The following ATG10 variants were observed in gnomAD, a reference collection of about 807,000 sequenced individuals.
ATG10 encodes the protein ubiquitin-like-conjugating enzyme ATG10.
In ATG10, 30 loss-of-function variants were observed where a neutral mutation model predicts 32.1. The ratio of observed to expected loss-of-function variants is 0.94; its 90% confidence interval spans 0.70 to 1.27. ATG10 has a LOEUF of 1.27. Ranked by LOEUF, ATG10 falls within the 50% of genes most tolerant of loss-of-function variation. The pLI, the probability that ATG10 is intolerant of heterozygous loss-of-function variation, is 0.00. For synonymous variants in ATG10, 87 were observed against 91.5 expected, an observed-to-expected ratio of 0.95 and a Z score of 0.28; for missense variants, 233 against 262.3, an observed-to-expected ratio of 0.89 and a Z score of 0.77.
intron 5 of ATG10, 125 bp downstream of exon 5, chr5:82,178,712 A>C: frequency 1.7e-6 from 1 of 588,512 alleles, no homozygotes; most frequent in Non-Finnish European, 2.9e-6. Context: ...TACATATTTC[A>C]CCTCAAAGAC....
intron 3 of ATG10, among the ~76,000 whole-genome samples, chr5:82,109,810 AT>A (rs1171529276): frequency 1.3e-5 from 2 of 150,334 alleles, no homozygotes; most frequent in Non-Finnish European, 3.0e-5. Context: ...ATATATATAT[AT>A]TTTTATTATA....
chr5:82,069,195 G>A (rs1399265602), intron 3 of ATG10, among the ~76,000 whole-genome samples: 1 of 152,082 alleles, frequency 6.6e-6, no homozygotes, highest in African/African-American at 2.4e-5. Flanking sequence ...GGAATTCATT[G>A]TTGAAGTAGC....
At chr5:82,081,472 C>T (rs181296456) in intron 3 of ATG10, among the ~76,000 whole-genome samples, 26 of 152,140 alleles carry the variant, frequency 1.7e-4, no homozygotes, top group African/African-American at 5.8e-4. Flanking sequence ...TTTTGCCCAT[C>T]CAGTATGATA....
Position 82,068,138 on chromosome 5 carries a change from T to C in ATG10, c.216+9536T>C, listed in dbSNP as rs566114290. ...TGGGATGCTTTTCATAGCAAAGACTTGGAACCAACCTAAATGCCCATCAAC... is the reference window on the plus strand; with the variant it reads ...TGGGATGCTTTTCATAGCAAAGACTCGGAACCAACCTAAATGCCCATCAAC... On this transcript the variant is annotated intron_variant, in intron 3 of 7. Coordinates refer to ENST00000282185, the MANE Select transcript of ATG10 (RefSeq NM_031482.5). 1.1e-3 allele frequency among the ~76,000 whole-genome samples: 174 copies of C among 152,276 alleles called. 2 individuals carry two copies. Among genetic ancestry groups the C allele is most frequent in the Admixed American group, 2.2e-3 (34 of 15,266 alleles).
intron 5 of ATG10, among the ~76,000 whole-genome samples, chr5:82,198,072 G>T (rs1343328485): frequency 6.6e-6 from 1 of 152,122 alleles, no homozygotes; most frequent in Non-Finnish European, 1.5e-5. Context: ...TGACTAAGGG[G>T]ATTTAGCTGG....
At chr5:82,215,892 CCCACT>C (rs1258979847) in intron 5 of ATG10, among the ~76,000 whole-genome samples, 1 of 151,450 alleles carries the variant, frequency 6.6e-6, no homozygotes, top group South Asian at 2.1e-4. Flanking sequence ...CTGAGATCGC[CCCACT>C]GCACTCCAGC....
intron 1 of ATG10, among the ~76,000 whole-genome samples, chr5:81,977,574 T>C (rs1381951346): frequency 1.3e-5 from 2 of 152,264 alleles, no homozygotes; most frequent in African/African-American, 2.4e-5. Context: ...ACCCGAGCTA[T>C]GCTCCATCCA....
intron 5 of ATG10, among the ~76,000 whole-genome samples, chr5:82,200,413 A>G (rs948207208): frequency 7.5e-6 from 1 of 133,142 alleles, no homozygotes; most frequent in African/African-American, 2.7e-5. Context: ...CTTGTTTACC[A>G]TTCGTATATT....
At chr5:82,025,327 T>C (rs1762562624) in intron 2 of ATG10, among the ~76,000 whole-genome samples, 2 of 152,222 alleles carry the variant, frequency 1.3e-5, no homozygotes, top group African/African-American at 2.4e-5. Flanking sequence ...GTTCCAGATA[T>C]TGCTTCTGTT....
chr5:82,072,585 A>G (rs1244550800), intron 3 of ATG10, among the ~76,000 whole-genome samples: 2 of 152,220 alleles, frequency 1.3e-5, no homozygotes, highest in African/African-American at 4.8e-5. Context: ...ATTGCTCTAC[A>G]ATGGGCATTT....
chr5:81,979,673 C>G (rs1043190824), intron 1 of ATG10, among the ~76,000 whole-genome samples: 1 of 148,838 alleles, frequency 6.7e-6, no homozygotes, highest in Admixed American at 6.7e-5. Flanking sequence ...CTGATTTTTG[C>G]TAATTGTAGG....
chr5:82,056,136 T>G (rs1237152018), intron 2 of ATG10, among the ~76,000 whole-genome samples: 1 of 152,174 alleles, frequency 6.6e-6, no homozygotes, highest in Non-Finnish European at 1.5e-5. Flanking sequence ...ATTGATTATC[T>G]ATCTCAAGAT....
At chr5:82,172,961 T>G (rs1039407002) in intron 4 of ATG10, among the ~76,000 whole-genome samples, 8 of 152,250 alleles carry the variant, frequency 5.3e-5, no homozygotes, top group Non-Finnish European at 1.0e-4. Flanking sequence ...TTGGTGGAGC[T>G]TCATCTCTGC....
chr5:82,083,003 G>A (rs1414064558), intron 3 of ATG10, among the ~76,000 whole-genome samples: 1 of 152,222 alleles, frequency 6.6e-6, no homozygotes, highest in Non-Finnish European at 1.5e-5. Flanking sequence ...TTGTCAGACA[G>A]TGGGTGCAGC....
intron 5 of ATG10, among the ~76,000 whole-genome samples, chr5:82,225,846 A>G (rs74980221): frequency 0.11 from 17,499 of 152,232 alleles, 1,241 homozygotes; most frequent in African/African-American, 0.21. Context: ...ACATTTGGAG[A>G]ATTATGCTAA....
At chr5:82,158,799 A>G (rs1406763611) in intron 3 of ATG10, among the ~76,000 whole-genome samples, 2 of 152,166 alleles carry the variant, frequency 1.3e-5, no homozygotes. Context: ...CAAATAAAGC[A>G]TAGTAACAGT....
At chr5:82,116,941 T>G (rs538254978) in intron 3 of ATG10, among the ~76,000 whole-genome samples, 6 of 152,282 alleles carry the variant, frequency 3.9e-5, no homozygotes, top group Non-Finnish European at 8.8e-5. Flanking sequence ...GTATTTAAGT[T>G]TCTCATCCTG....
In ATG10 at chr5:82,060,250, A is replaced by G. The variant is rs562185288; in HGVS notation, c.216+1648A>G. Among the ~76,000 whole-genome samples the G allele has an allele frequency of 1.2e-3, 176 of 152,334 alleles. 2 individuals are homozygous for G. The highest frequency in any genetic ancestry group is 2.3e-3 in the Admixed American group (35 of 15,300). Reference sequence around the variant, plus strand: ...AAAAATTGAAATAATTTTGCAGTGAATATCTATATACTTACCACCTAAAGT... The same window carrying G: ...AAAAATTGAAATAATTTTGCAGTGAGTATCTATATACTTACCACCTAAAGT... On this transcript the variant is annotated intron_variant, in intron 3 of 7. Transcript: ENST00000282185.
intron 3 of ATG10, among the ~76,000 whole-genome samples, chr5:82,085,084 C>A (rs905384763): frequency 7.2e-5 from 11 of 152,050 alleles, no homozygotes; most frequent in Non-Finnish European, 1.3e-4. Flanking sequence ...ATTCAGGAGA[C>A]CCATCTCACG....
Sources: gnomAD v4.1 joint callset for allele counts (sites outside exome capture counted in the v4.1 genomes callset) on GRCh38, gnomAD v4.1.1 for gene constraint, MANE v1.5 for transcripts, NCBI Gene and HGNC (gene_info 2026-07-23, HGNC 2026-07-21) for gene names.